Variants in GFRA1 observed in about 807,000 individuals in gnomAD.
The protein encoded by GFRA1 is GDNF family receptor alpha 1.
A neutral mutation model predicts 51.6 loss-of-function variants in GFRA1; 16 were observed. The observed-to-expected ratio is 0.31, with a 90% CI of 0.21 to 0.47. GFRA1 has a LOEUF of 0.47. Among genes scored for constraint, GFRA1 ranks in the 20% least tolerant of loss-of-function variants. The pLI is 1.00. For missense variants in GFRA1, 530 were observed against 594.3 expected (o/e 0.89, Z 1.13); for synonymous variants, 270 against 241.3 (o/e 1.12, Z -1.10).
intron 6 of GFRA1, among the ~76,000 whole-genome samples, chr10:116,109,940 C>A (rs1266302959): frequency 6.6e-6 from 1 of 152,094 alleles, no homozygotes; most frequent in Non-Finnish European, 1.5e-5. Context: ...CCTCCACAGG[C>A]AGGGGTGAGG....
chr10:116,254,226 G>A (rs186940506), intron 4 of GFRA1, among the ~76,000 whole-genome samples: 43 of 149,706 alleles, frequency 2.9e-4, no homozygotes, highest in African/African-American at 9.5e-4. Flanking sequence ...GGAGGCTGAG[G>A]CAGGATAATT....
At chr10:116,223,898 A>G (rs1265732541) in intron 4 of GFRA1, among the ~76,000 whole-genome samples, 1 of 152,246 alleles carries the variant, frequency 6.6e-6, no homozygotes, top group African/African-American at 2.4e-5. Flanking sequence ...AAGGGATTCC[A>G]GCATCTTACA....
intron 4 of GFRA1, among the ~76,000 whole-genome samples, chr10:116,219,037 T>C (rs923410970): frequency 6.6e-6 from 1 of 152,140 alleles, no homozygotes; most frequent in Non-Finnish European, 1.5e-5. Context: ...CAAAGAATCT[T>C]CCTGCTACAT....
At chr10:116,179,623 G>C (rs1290339446) in intron 5 of GFRA1, among the ~76,000 whole-genome samples, 4 of 152,288 alleles carry the variant, frequency 2.6e-5, no homozygotes, top group Non-Finnish European at 5.9e-5. Flanking sequence ...CAGAAGATAT[G>C]GTGGGCCTTT....
At chr10:116,113,430 G>A (rs981678716) in intron 6 of GFRA1, among the ~76,000 whole-genome samples, 1 of 152,020 alleles carries the variant, frequency 6.6e-6, no homozygotes, top group African/African-American at 2.4e-5. Context: ...TGAAACCCGC[G>A]GTTTTAATGA....
rs538236763 is a variant in GFRA1, at chr10:116,272,414, T to A, written c.-246-139A>T. On this transcript the variant is annotated intron_variant, in intron 1 of 10. Coordinates refer to ENST00000355422, the MANE Select transcript of GFRA1 (RefSeq NM_005264.8). The surrounding 1 kb of genome is among the most constrained non-coding windows in gnomAD (Gnocchi z 4.4). Reference sequence around the variant, plus strand: ...GGACCCACCCCCACCCAGGTCGGGGTGCATGTGCGTGTTTTCCAGGGGCCG... The same window carrying A: ...GGACCCACCCCCACCCAGGTCGGGGAGCATGTGCGTGTTTTCCAGGGGCCG... The A allele has an allele frequency of 1.5e-5, 5 of 341,352 alleles. No individual in the cohort carries two copies. In the East Asian group the frequency reaches 2.7e-4, roughly 18 times the overall value. 21.1% of individuals were successfully genotyped at this position (341,352 alleles called of 1,614,324 possible).
At chr10:116,086,102 T>C (rs1428856222) in intron 9 of GFRA1, among the ~76,000 whole-genome samples, 1 of 152,216 alleles carries the variant, frequency 6.6e-6, no homozygotes, top group East Asian at 1.9e-4. Context: ...AGGCTCTCCC[T>C]GGCTCAGTTG....
chr10:116,254,595 T>C (rs1040899847), intron 4 of GFRA1, among the ~76,000 whole-genome samples: 6 of 152,072 alleles, frequency 3.9e-5, no homozygotes, highest in Non-Finnish European at 8.8e-5. Context: ...ATTAATGTCC[T>C]TTGACAACTG....
rs538814832 is a variant in GFRA1 at position 116,090,035 on chromosome 10, T to C, written c.1016-113A>G. ...AATTCTGATTATAGCATTGGACTTC[T>C]CTGAACAAAACGCATCCATCCATTT... is the stretch of plus-strand genomic sequence containing the variant. On this transcript the variant is annotated intron_variant, in intron 8 of 10. Transcript: ENST00000355422. 9.0e-5 allele frequency: 91 copies of C among 1,011,046 alleles called. No homozygotes were observed. The African/African-American group carries it at 1.3e-3, about 15-fold the overall frequency. The allele number at this position is 1,011,046 out of a possible 1,614,324, so 62.6% of individuals were successfully genotyped here. A position where few individuals can be genotyped will look rare whatever the true frequency, so the allele number is the denominator to read the frequency against.
intron 5 of GFRA1, among the ~76,000 whole-genome samples, chr10:116,144,053 C>A (rs1449418162): frequency 1.3e-5 from 2 of 152,112 alleles, no homozygotes; most frequent in Non-Finnish European, 2.9e-5. Flanking sequence ...GCATCTGACT[C>A]CCACATAGAC....
intron 4 of GFRA1, among the ~76,000 whole-genome samples, chr10:116,237,137 T>C (rs1966930866): frequency 6.6e-6 from 1 of 152,220 alleles, no homozygotes; most frequent in Non-Finnish European, 1.5e-5. Flanking sequence ...AATCCATCCA[T>C]AGTTTCTTTG....
At chr10:116,168,210 A>G (rs1417494781) in intron 5 of GFRA1, among the ~76,000 whole-genome samples, 2 of 150,746 alleles carry the variant, frequency 1.3e-5, no homozygotes. Flanking sequence ...TTTATTGAGG[A>G]CCTGCTAAGT....
At chr10:116,206,488 CTA>C (rs1964767492) in intron 5 of GFRA1, among the ~76,000 whole-genome samples, 1 of 152,140 alleles carries the variant, frequency 6.6e-6, no homozygotes, top group Admixed American at 6.5e-5. Context: ...AGAAACCAAA[CTA>C]TGATTTATTG....
intron 4 of GFRA1, among the ~76,000 whole-genome samples, chr10:116,226,199 C>T (rs1391557787): frequency 6.6e-6 from 1 of 152,126 alleles, no homozygotes; most frequent in Non-Finnish European, 1.5e-5. Flanking sequence ...ACAAACAGTC[C>T]CTTGTTTGCT....
intron 9 of GFRA1, among the ~76,000 whole-genome samples, chr10:116,073,592 G>T (rs1266750113): frequency 6.6e-6 from 1 of 152,148 alleles, no homozygotes; most frequent in African/African-American, 2.4e-5. Context: ...AGCATTAATG[G>T]TATAAAGGCA....
chr10:116,148,067 C>T lies in GFRA1; in HGVS notation c.434-22510G>A, dbSNP rs76176012. On this transcript the variant is annotated intron_variant, in intron 5 of 10. Coordinates refer to ENST00000355422, the MANE Select transcript of GFRA1 (RefSeq NM_005264.8). ...GCGTGTGTGCATGCATGTGTGCATG[C>T]GTGTGTGCATGTGTGTGTGTGCATG... 4.3e-3 allele frequency among the ~76,000 whole-genome samples: 284 copies of T among 66,486 alleles called. 1 individual carries two copies. Among genetic ancestry groups the T allele is most frequent in the Non-Finnish European group, 4.7e-3 (169 of 36,320 alleles). The allele number at this position is 66,486 out of a possible 152,430, so 43.6% of individuals were successfully genotyped here.
intron 4 of GFRA1, among the ~76,000 whole-genome samples, chr10:116,223,934 TTATATA>T: frequency 6.6e-6 from 1 of 151,776 alleles, no homozygotes. Flanking sequence ...TAATTGTCCT[TTATATA>T]TATATATTTC....
chr10:116,138,971 T>C (rs2134084262), intron 5 of GFRA1, among the ~76,000 whole-genome samples: 1 of 152,316 alleles, frequency 6.6e-6, no homozygotes, highest in South Asian at 2.1e-4. Context: ...GGACCTCCAT[T>C]GCATCTCTGC....
intron 4 of GFRA1, among the ~76,000 whole-genome samples, chr10:116,230,156 CAG>C (rs1158194075): frequency 1.3e-5 from 2 of 152,182 alleles, no homozygotes; most frequent in Non-Finnish European, 2.9e-5. Context: ...AAAAAGGAAA[CAG>C]GGTATCTGAG....
Sources: gnomAD v4.1 joint callset for allele counts (sites outside exome capture counted in the v4.1 genomes callset) on GRCh38, gnomAD v4.1.1 for gene constraint, Gnocchi (gnomAD v3.1) non-coding constraint, MANE v1.5 for transcripts, NCBI Gene and HGNC (gene_info 2026-07-23, HGNC 2026-07-21) for gene names.